PDE3B: variants seen among roughly 807,000 people sequenced by gnomAD.
PDE3B encodes phosphodiesterase 3B, also known as cGMP-inhibited 3',5'-cyclic phosphodiesterase 3B.
In PDE3B, 66 loss-of-function variants were observed where a neutral mutation model predicts 116.8. That is an observed-to-expected ratio of 0.56 (90% CI 0.46 to 0.69). The LOEUF is 0.69. Among genes scored for constraint, PDE3B ranks in the 30% least tolerant of loss-of-function variants. The probability of loss-of-function intolerance (pLI) is 0.00; values close to 1 mark genes in which losing one functional copy is unlikely to be tolerated. For missense variants in PDE3B, 1,384 were observed against 1,368.1 expected, an observed-to-expected ratio of 1.01 and a Z score of -0.18; for synonymous variants, 595 against 533.6, an observed-to-expected ratio of 1.12 and a Z score of -1.59.
At chr11:14,761,020 A>AT (rs1186257180) in intron 1 of PDE3B, among the ~76,000 whole-genome samples, 3 of 151,376 alleles carry the variant, frequency 2.0e-5, no homozygotes, top group Admixed American at 2.0e-4. Flanking sequence ...TCCTTCTAGG[A>AT]TTTTTTTTTA....
At chr11:14,715,242 G>A (rs952464318) in intron 1 of PDE3B, among the ~76,000 whole-genome samples, 4 of 152,154 alleles carry the variant, frequency 2.6e-5, no homozygotes, top group African/African-American at 9.7e-5. Context: ...TGGCGATGCG[G>A]GCTCCTTTTT....
chr11:14,843,616 A>G (rs1847521083), intron 11 of PDE3B, among the ~76,000 whole-genome samples: 1 of 152,204 alleles, frequency 6.6e-6, no homozygotes, highest in Non-Finnish European at 1.5e-5. Flanking sequence ...TTGTAAAGTA[A>G]GCAACTTCAG....
rs1218259008 is a variant in PDE3B at position 14,644,065 on chromosome 11, C to G, written c.-11C>G. 2 of 1,506,242 alleles carry G rather than the reference C, an allele frequency of 1.3e-6. No individual in the cohort carries two copies. The highest frequency in any genetic ancestry group is 1.8e-6 in the Non-Finnish European group (2 of 1,138,580). The allele number at this position is 1,506,242 out of a possible 1,614,324, so 93.3% of individuals were successfully genotyped here. ...GTGTGCTGAGTCCCGTGGCCACCCCCGGCCCCAGCCATGAGGAGGGACGAG... is the reference window on the plus strand; with the variant it reads ...GTGTGCTGAGTCCCGTGGCCACCCCGGGCCCCAGCCATGAGGAGGGACGAG... On this transcript the variant is annotated 5_prime_UTR_variant, in exon 1 of 16. Transcript: ENST00000282096.
the PDE3B span, among the ~76,000 whole-genome samples, chr11:14,888,425 C>T: frequency 3.9e-5 from 6 of 152,144 alleles, no homozygotes; most frequent in Non-Finnish European, 7.4e-5. Flanking sequence ...GACAAATGTG[C>T]AAAGTGCTGT....
At chr11:14,727,677 G>A (rs1425781405) in intron 1 of PDE3B, among the ~76,000 whole-genome samples, 2 of 152,022 alleles carry the variant, frequency 1.3e-5, no homozygotes, top group African/African-American at 4.8e-5. Flanking sequence ...GGCTAGATGG[G>A]ACATTTAATT....
chr11:14,690,980 G>A (rs1470833745), intron 1 of PDE3B, among the ~76,000 whole-genome samples: 1 of 152,038 alleles, frequency 6.6e-6, no homozygotes, highest in African/African-American at 2.4e-5. Context: ...TTAAAGGAAG[G>A]GAAAACATGC....
chr11:14,745,475 A>G (rs1021236300), intron 1 of PDE3B, among the ~76,000 whole-genome samples: 8 of 152,056 alleles, frequency 5.3e-5, no homozygotes, highest in African/African-American at 1.7e-4. Context: ...TTGTGGATCA[A>G]CCATTATTTC....
the PDE3B span, chr11:14,891,536 T>C: frequency 1.2e-5 from 12 of 1,006,444 alleles, no homozygotes; most frequent in Non-Finnish European, 1.4e-5. Flanking sequence ...GAACCTGCTA[T>C]TAACCATCTA....
At chr11:14,815,909 T>C (rs1283205872) in intron 5 of PDE3B, among the ~76,000 whole-genome samples, 1 of 151,574 alleles carries the variant, frequency 6.6e-6, no homozygotes, top group Non-Finnish European at 1.5e-5. Flanking sequence ...TATCATCAGA[T>C]TGGCAAAAGA....
the PDE3B span, among the ~76,000 whole-genome samples, chr11:14,888,812 G>A: frequency 6.6e-6 from 1 of 152,066 alleles, no homozygotes; most frequent in Admixed American, 6.5e-5. Flanking sequence ...AAATTAATAC[G>A]CTGTCAATTC....
intron 1 of PDE3B, among the ~76,000 whole-genome samples, chr11:14,663,845 A>T (rs1434715133): frequency 6.6e-6 from 1 of 152,104 alleles, no homozygotes. Context: ...CCCACTGTCA[A>T]CATTAGATCA....
intron 1 of PDE3B, among the ~76,000 whole-genome samples, chr11:14,727,310 A>AT (rs1054404169): frequency 6.6e-6 from 1 of 152,080 alleles, no homozygotes; most frequent in African/African-American, 2.4e-5. Flanking sequence ...AGAAATTTAC[A>AT]TTTTTTTAAC....
chr11:14,831,723 A>C lies in PDE3B; in HGVS notation c.2040A>C (p.Pro680=), dbSNP rs1233762970. 1.0e-5 allele frequency: 16 copies of C among 1,606,364 alleles called. No individual in the cohort carries two copies. Among genetic ancestry groups the C allele is most frequent in the Non-Finnish European group, 1.3e-5 (15 of 1,174,970 alleles). Residue 680 remains proline (P), a synonymous_variant, in exon 9 of 16, where the codon CCA becomes CCC. Transcript: ENST00000282096. ...AAAAGATGAGCAACTGGAATTTTCC[A>C]ATTTTTGAACTTGTAGAAAAGATGG... ...LIEKMSNWNF[P]IFELVEKMGE...
At chr11:14,892,184 C>T in the PDE3B span, 19 of 1,610,464 alleles carry the variant, frequency 1.2e-5, no homozygotes, top group Non-Finnish European at 5.1e-6. Context: ...GCGCCCTCTT[C>T]AGCTCTCCAA....
At chr11:14,879,426 T>G in the PDE3B span, 1 of 1,602,724 alleles carries the variant, frequency 6.2e-7, no homozygotes, top group Non-Finnish European at 8.5e-7. Context: ...ATTAAATCAA[T>G]CTCTTTCTGA....
chr11:14,705,949 G>A (rs551922281), intron 1 of PDE3B, among the ~76,000 whole-genome samples: 2 of 151,824 alleles, frequency 1.3e-5, no homozygotes, highest in African/African-American at 2.4e-5. Flanking sequence ...TGTGGCAATA[G>A]TCACTTCAAA....
intron 14 of PDE3B, among the ~76,000 whole-genome samples, chr11:14,865,397 A>G (rs981060576): frequency 1.1e-4 from 17 of 152,138 alleles, no homozygotes; most frequent in African/African-American, 3.9e-4. Flanking sequence ...CCTAATTATC[A>G]GGAAAGGTCA....
At chr11:14,823,168 T>A (rs913377959) in intron 7 of PDE3B, among the ~76,000 whole-genome samples, 1 of 152,212 alleles carries the variant, frequency 6.6e-6, no homozygotes, top group African/African-American at 2.4e-5. Flanking sequence ...CCTTAGCCAT[T>A]GTTGCCTTCT....
At chr11:14,846,253 A>C (rs1422944521) in intron 12 of PDE3B, among the ~76,000 whole-genome samples, 1 of 152,140 alleles carries the variant, frequency 6.6e-6, no homozygotes, top group Non-Finnish European at 1.5e-5. Context: ...TTCATAAGTA[A>C]AGGAGAAATA....
Sources: allele counts gnomAD v4.1 joint callset (sites outside exome capture counted in the v4.1 genomes callset), GRCh38; gene constraint gnomAD v4.1.1; transcripts MANE v1.5; gene names NCBI Gene and HGNC (gene_info 2026-07-23, HGNC 2026-07-21).